Variants in DENND1A observed in about 807,000 individuals in gnomAD.
DENND1A encodes DENN domain-containing protein 1A.
Under a neutral mutation model 113.7 loss-of-function variants are expected in DENND1A, and 51 were observed. The observed-to-expected ratio is 0.45, with a 90% CI of 0.36 to 0.57. The LOEUF (loss-of-function observed/expected upper bound fraction) is 0.57, where lower values mean the gene tolerates loss of function less well. DENND1A is among the 20% of genes least tolerant of loss of function. The probability of loss-of-function intolerance (pLI) is 0.00; values close to 1 mark genes in which losing one functional copy is unlikely to be tolerated. For missense variants in DENND1A, 1,258 were observed against 1,395.9 expected, an observed-to-expected ratio of 0.90 and a Z score of 1.57; for synonymous variants, 565 against 570.8, an observed-to-expected ratio of 0.99 and a Z score of 0.14.
intron 2 of DENND1A, among the ~76,000 whole-genome samples, chr9:123,839,344 T>G (rs1314455606): frequency 6.6e-6 from 1 of 152,188 alleles, no homozygotes; most frequent in Non-Finnish European, 1.5e-5. Context: ...ATCCCTGCCC[T>G]TCCTGAGCTA....
chr9:123,523,525 G>A (rs2054564288), intron 13 of DENND1A, among the ~76,000 whole-genome samples: 2 of 152,204 alleles, frequency 1.3e-5, no homozygotes, highest in South Asian at 4.1e-4. Flanking sequence ...AGATCGATGG[G>A]TCACCAGGTG....
At chr9:123,530,523 G>T (rs1319367934) in intron 13 of DENND1A, among the ~76,000 whole-genome samples, 1 of 152,138 alleles carries the variant, frequency 6.6e-6, no homozygotes, top group Non-Finnish European at 1.5e-5. Flanking sequence ...AATATTAAAA[G>T]ATATAATTCA....
At chr9:123,693,125 T>A (rs944109653) in intron 5 of DENND1A, among the ~76,000 whole-genome samples, 2 of 152,228 alleles carry the variant, frequency 1.3e-5, no homozygotes, top group Non-Finnish European at 2.9e-5. Context: ...TAGATGAATT[T>A]TGGCAACTGG....
At chr9:123,399,447 C>A (rs983897309) in intron 21 of DENND1A, among the ~76,000 whole-genome samples, 1 of 152,086 alleles carries the variant, frequency 6.6e-6, no homozygotes, top group Non-Finnish European at 1.5e-5. Context: ...CTCACTGCAA[C>A]CTTCAACTCC....
At chr9:123,594,409 C>G (rs556214927) in intron 11 of DENND1A, among the ~76,000 whole-genome samples, 1 of 152,166 alleles carries the variant, frequency 6.6e-6, no homozygotes, top group South Asian at 2.1e-4. Flanking sequence ...TAAAATAACT[C>G]GTCGGAAATC....
intron 1 of DENND1A, among the ~76,000 whole-genome samples, chr9:123,889,818 C>T (rs969390117): frequency 6.6e-6 from 1 of 151,968 alleles, no homozygotes; most frequent in Non-Finnish European, 1.5e-5. Flanking sequence ...ACTAAAAATA[C>T]AAAAATTAGC....
At chr9:123,779,768 C>T (rs183434339) in intron 3 of DENND1A, among the ~76,000 whole-genome samples, 1 of 152,162 alleles carries the variant, frequency 6.6e-6, no homozygotes, top group Non-Finnish European at 1.5e-5. Context: ...TTGGCACATT[C>T]AAGGAACTGA....
At chr9:123,516,941 T>G (rs893327597) in intron 13 of DENND1A, among the ~76,000 whole-genome samples, 1 of 132,668 alleles carries the variant, frequency 7.5e-6, no homozygotes, top group African/African-American at 3.0e-5. Context: ...AGTAAAACAT[T>G]TATGAAATGA....
At chr9:123,588,951 A>G (rs1003444929) in intron 11 of DENND1A, among the ~76,000 whole-genome samples, 2 of 151,860 alleles carry the variant, frequency 1.3e-5, no homozygotes, top group African/African-American at 4.8e-5. Context: ...TATTTTTACT[A>G]GAGATGGGGT....
At chr9:123,817,814 G>A (rs1564330991) in intron 2 of DENND1A, among the ~76,000 whole-genome samples, 1 of 152,070 alleles carries the variant, frequency 6.6e-6, no homozygotes. Flanking sequence ...ATCACCTGAG[G>A]TCAGGAATTC....
At position 123,856,317 on chromosome 9, in the gene DENND1A, G is replaced by A. The variant is rs368064178; in HGVS notation, c.88+22634C>T. ...TGGGGACTCAAAGTGCAACCAGTGC[G>A]AGAAGAGCGCCCACACTGTCTAGAG... On this transcript the variant is annotated intron_variant, in intron 2 of 23. Transcript: ENST00000394215. Among the ~76,000 whole-genome samples, 6 of 152,250 alleles carry A rather than the reference G, an allele frequency of 3.9e-5. No individual in the cohort carries two copies. The East Asian group carries it at 9.7e-4, about 25-fold the overall frequency.
intron 13 of DENND1A, among the ~76,000 whole-genome samples, chr9:123,510,639 G>C (rs1564624610): frequency 6.6e-6 from 1 of 152,138 alleles, no homozygotes; most frequent in Admixed American, 6.5e-5. Context: ...CCATACCACA[G>C]GCCATCCCCT....
At chr9:123,444,938 C>A (rs902881484) in intron 18 of DENND1A, among the ~76,000 whole-genome samples, 2 of 152,194 alleles carry the variant, frequency 1.3e-5, no homozygotes, top group African/African-American at 4.8e-5. Context: ...TATCAGGGGC[C>A]ACCACAGGGT....
intron 5 of DENND1A, among the ~76,000 whole-genome samples, chr9:123,697,059 T>G (rs1473138805): frequency 1.3e-5 from 2 of 152,212 alleles, no homozygotes. Flanking sequence ...GGCATTTCTT[T>G]TGCATTAAGA....
At chr9:123,811,273 C>T (rs1836552267) in intron 2 of DENND1A, among the ~76,000 whole-genome samples, 1 of 152,118 alleles carries the variant, frequency 6.6e-6, no homozygotes, top group Non-Finnish European at 1.5e-5. Flanking sequence ...TGTCATTTTT[C>T]CCCATAAGAC....
chr9:123,881,033 A>C (rs895346207), intron 1 of DENND1A, among the ~76,000 whole-genome samples: 1 of 152,156 alleles, frequency 6.6e-6, no homozygotes, highest in Admixed American at 6.5e-5. Context: ...TAAAATCGTC[A>C]TTTCTCCCCC....
intron 5 of DENND1A, among the ~76,000 whole-genome samples, chr9:123,706,912 A>C (rs529687295): frequency 8.5e-5 from 13 of 152,206 alleles, no homozygotes; most frequent in Non-Finnish European, 1.8e-4. Context: ...GAGGAGAAAA[A>C]TTAGAAGCTG....
chr9:123,589,504 T>G (rs937363824), intron 11 of DENND1A, among the ~76,000 whole-genome samples: 1 of 148,682 alleles, frequency 6.7e-6, no homozygotes, highest in Non-Finnish European at 1.5e-5. Context: ...AAACACTTAC[T>G]AGTACTGCGG....
intron 11 of DENND1A, among the ~76,000 whole-genome samples, chr9:123,585,269 G>A (rs554045127): frequency 6.6e-6 from 1 of 152,292 alleles, no homozygotes; most frequent in Non-Finnish European, 1.5e-5. Flanking sequence ...CCACAGAGGA[G>A]GGACACAATT....
Sources: gnomAD v4.1 joint callset for allele counts (sites outside exome capture counted in the v4.1 genomes callset) on GRCh38, gnomAD v4.1.1 for gene constraint, MANE v1.5 for transcripts, NCBI Gene and HGNC (gene_info 2026-07-23, HGNC 2026-07-21) for gene names.